Variants in SEC14L1 observed in about 807,000 individuals in gnomAD.
The protein encoded by SEC14L1 is SEC14 like lipid binding 1.
In SEC14L1, 48 loss-of-function variants were observed where a neutral mutation model predicts 85.3. That is an observed-to-expected ratio of 0.56 (90% CI 0.45 to 0.72). The LOEUF (loss-of-function observed/expected upper bound fraction) is 0.72, where lower values mean the gene tolerates loss of function less well. Among genes scored for constraint, SEC14L1 ranks in the 30% least tolerant of loss-of-function variants. The pLI is 0.00. For synonymous variants in SEC14L1, 391 were observed against 355.5 expected (o/e 1.10, Z -1.12); for missense variants, 682 against 921.4 (o/e 0.74, Z 3.36).
chr17:77,119,947 G>T (rs1264987745), intron 3 of SEC14L1, among the ~76,000 whole-genome samples: 1 of 152,224 alleles, frequency 6.6e-6, no homozygotes, highest in Non-Finnish European at 1.5e-5. Flanking sequence ...TCCCCAGGCT[G>T]CCCTGACCCT....
rs1972690494 is a variant in SEC14L1, at chr17:77,133,763, A to AC, written c.-135-8879dup. 3.3e-5 allele frequency among the ~76,000 whole-genome samples: 5 copies of AC among 151,880 alleles called. No homozygotes were observed. In the South Asian group the frequency reaches 1.0e-3, roughly 32 times the overall value. Reference sequence around the variant, plus strand: ...AGACCAGCCTGGCCAAGATGGAGAAACCCCGTCTCTACTAAAAATACAAAA... The same window carrying AC: ...AGACCAGCCTGGCCAAGATGGAGAAACCCCCGTCTCTACTAAAAATACAAAA... On this transcript the variant is annotated intron_variant, in intron 3 of 19. Transcript: ENST00000392476.
exon 3 of SEC14L1, chr17:77,093,274 G>A (rs1369664902): frequency 6.6e-6 from 1 of 152,244 alleles, no homozygotes; most frequent in African/African-American, 2.4e-5. Flanking sequence ...TGTGTGTGAT[G>A]AATGAATATC....
chr17:77,194,901 C>T lies in SEC14L1; in HGVS notation c.699C>T (p.Gly233=), dbSNP rs1225851432. 1 of 1,613,582 alleles carries T rather than the reference C, an allele frequency of 6.2e-7. No homozygotes were observed. The highest frequency in any genetic ancestry group is 1.1e-5 in the South Asian group (1 of 91,058). The part of the protein sequence containing the change: ...SSPSAPEPVV[G]TPDDKLDADY... ...CCAGCGCACCTGAGCCCGTGGTGGG[C>T]ACCCCTGACGGTGGGTCTGGCAGGG... The change falls in exon 7 of 17, where the codon GGC becomes GGT. Residue 233 remains glycine (G), a synonymous_variant. Transcript: ENST00000436233.
chr17:77,192,149 A>G (rs1975574234), intron 5 of SEC14L1, among the ~76,000 whole-genome samples: 1 of 152,216 alleles, frequency 6.6e-6, no homozygotes, highest in Non-Finnish European at 1.5e-5. Flanking sequence ...AATATGTTAG[A>G]AATATCTAAT....
At chr17:77,195,564 T>G (rs1302664385) in intron 7 of SEC14L1, among the ~76,000 whole-genome samples, 1 of 152,160 alleles carries the variant, frequency 6.6e-6, no homozygotes, top group Non-Finnish European at 1.5e-5. Flanking sequence ...CTCGGCTCAG[T>G]GCAGCCTTCG....
At chr17:77,129,629 C>G (rs1972554988) in intron 3 of SEC14L1, among the ~76,000 whole-genome samples, 1 of 152,122 alleles carries the variant, frequency 6.6e-6, no homozygotes, top group Non-Finnish European at 1.5e-5. Flanking sequence ...CGTGGGAGAG[C>G]TCTGGCCTCT....
At chr17:77,142,776 C>G (rs2143512382) in intron 2 of SEC14L1, 26 bp downstream of exon 2, 1 of 152,234 alleles carries the variant, frequency 6.6e-6, no homozygotes, top group African/African-American at 2.4e-5. Context: ...TTTTCTTTCT[C>G]ACTTTAAATA....
chr17:77,169,336 C>T (rs958337826), intron 3 of SEC14L1, among the ~76,000 whole-genome samples: 5 of 152,058 alleles, frequency 3.3e-5, no homozygotes, highest in Non-Finnish European at 7.4e-5. Flanking sequence ...GGCTGACCTG[C>T]GGGGTCTTTA....
chr17:77,173,556 A>C (rs1158135611), intron 3 of SEC14L1, among the ~76,000 whole-genome samples: 1 of 152,188 alleles, frequency 6.6e-6, no homozygotes, highest in Admixed American at 6.5e-5. Flanking sequence ...TGCCGTCAGC[A>C]CAGGGCATAG....
At chr17:77,135,390 C>G (rs1405390646) in intron 3 of SEC14L1, among the ~76,000 whole-genome samples, 1 of 152,202 alleles carries the variant, frequency 6.6e-6, no homozygotes, top group African/African-American at 2.4e-5. Context: ...TCCTCAACTC[C>G]CCAGAGACTG....
chr17:77,185,284 C>T (rs1394934228), intron 3 of SEC14L1: 1 of 985,414 alleles, frequency 1.0e-6, no homozygotes, highest in Non-Finnish European at 1.2e-6. Flanking sequence ...TTGCTAACTG[C>T]CCCTGACGCT....
At chr17:77,114,222 A>G (rs1258562164) in intron 3 of SEC14L1, among the ~76,000 whole-genome samples, 1 of 152,162 alleles carries the variant, frequency 6.6e-6, no homozygotes, top group African/African-American at 2.4e-5. Context: ...ACCCCACCAC[A>G]TGATTCAAAA....
chr17:77,183,874 T>C (rs562081918), intron 3 of SEC14L1, among the ~76,000 whole-genome samples: 1 of 152,120 alleles, frequency 6.6e-6, no homozygotes, highest in Non-Finnish European at 1.5e-5. Flanking sequence ...TTGTGTAGAC[T>C]GTTCCATAAT....
chr17:77,203,409 C>A (rs1451610144), intron 9 of SEC14L1, among the ~76,000 whole-genome samples, 161 bp from the exon 10 acceptor site: 1 of 152,202 alleles, frequency 6.6e-6, no homozygotes, highest in African/African-American at 2.4e-5. Context: ...TGGACACACA[C>A]CCCCTATCAC....
At chr17:77,189,585 T>TC (rs1975423936) in intron 3 of SEC14L1, among the ~76,000 whole-genome samples, 1 of 152,192 alleles carries the variant, frequency 6.6e-6, no homozygotes, top group Non-Finnish European at 1.5e-5. Context: ...TGTAAATCCC[T>TC]CCTCCCATTT....
chr17:77,210,819 G>C (rs189662473), intron 14 of SEC14L1: 1 of 152,168 alleles, frequency 6.6e-6, no homozygotes, highest in Non-Finnish European at 1.5e-5. Context: ...AGTGTGTTTC[G>C]TGTGAATCGG....
chr17:77,213,611 G>A lies in SEC14L1; in HGVS notation c.2042+119G>A. On this transcript the variant is annotated intron_variant, in intron 16 of 16. Transcript: ENST00000436233. The surrounding 1 kb of genome is among the most constrained non-coding windows in gnomAD (Gnocchi z 7.1). ...CGGCGGGTGTCAGGAATGCTTGGAG[G>A]GCCAGGAGGGAGTGGCTTTGGGGTC... 1 of 1,238,336 alleles carries A rather than the reference G, an allele frequency of 8.1e-7. No homozygotes were observed. 76.7% of individuals were successfully genotyped at this position (1,238,336 alleles called of 1,614,324 possible).
At chr17:77,138,824 GA>G (rs111424590), upstream of SEC14L1, among the ~76,000 whole-genome samples, 1,478 of 147,970 alleles carry the variant, frequency 1.0e-2, 27 homozygotes, top group African/African-American at 0.033. Flanking sequence ...ACTGTTTCAA[GA>G]AAAAAAAAAT....
rs375970404 is a variant in SEC14L1, at chr17:77,209,324, C to T, written c.1477-18C>T. Reference sequence around the variant, plus strand: ...GTTTGTGTTTGCACAGGTTTCACTGCTGTGTTTCTTCTTCCAGTGCGAAGT... The same window carrying T: ...GTTTGTGTTTGCACAGGTTTCACTGTTGTGTTTCTTCTTCCAGTGCGAAGT... On this transcript the variant is annotated intron_variant, in intron 13 of 16. Coordinates refer to ENST00000436233, the MANE Select transcript of SEC14L1 (RefSeq NM_001143998.2). 1 of 1,613,826 alleles carries T rather than the reference C, an allele frequency of 6.2e-7. No individual in the cohort carries two copies. Among genetic ancestry groups the T allele is most frequent in the South Asian group, 1.1e-5 (1 of 91,060 alleles).
Sources: gnomAD v4.1 joint callset for allele counts (sites outside exome capture counted in the v4.1 genomes callset) on GRCh38, gnomAD v4.1.1 for gene constraint, Gnocchi (gnomAD v3.1) non-coding constraint, MANE v1.5 for transcripts, NCBI Gene and HGNC (gene_info 2026-07-23, HGNC 2026-07-21) for gene names.